The following CDKAL1 variants were observed in gnomAD, a reference collection of about 807,000 sequenced individuals.
CDKAL1 encodes the protein threonylcarbamoyladenosine tRNA methylthiotransferase.
In CDKAL1, 32 loss-of-function variants were observed where a neutral mutation model predicts 68.2. The ratio of observed to expected loss-of-function variants is 0.47; its 90% CI spans 0.35 to 0.63. CDKAL1 has a LOEUF of 0.63. Ranked by LOEUF, CDKAL1 falls within the 30% of genes least tolerant of loss-of-function variation. The probability of loss-of-function intolerance (pLI) is 0.00; values close to 1 mark genes in which losing one functional copy is unlikely to be tolerated. For synonymous variants in CDKAL1, 234 were observed against 244.3 expected (o/e 0.96, Z 0.39); for missense variants, 606 against 696.7 (o/e 0.87, Z 1.47).
intron 9 of CDKAL1, among the ~76,000 whole-genome samples, chr6:20,888,180 G>A (rs1030157723): frequency 9.9e-5 from 15 of 151,838 alleles, no homozygotes; most frequent in Non-Finnish European, 2.1e-4. Context: ...CTGTGTCCAG[G>A]TGTTCTCATT....
rs556668353 is a variant in CDKAL1 at position 20,716,576 on chromosome 6, GT to G, written c.372-22939del. 2.6e-3 allele frequency among the ~76,000 whole-genome samples: 389 copies of G among 151,974 alleles called. 4 individuals are homozygous for G. In the South Asian group the frequency reaches 0.032, roughly 12 times the overall value. On this transcript the variant is annotated intron_variant, in intron 5 of 15. Transcript: ENST00000274695. ...ATCGGGTAACTGCTTGTTTCATTTTGTTTTGGTTTGGTTGGGTCTGGGTTGA... is the reference window on the plus strand; with the variant it reads ...ATCGGGTAACTGCTTGTTTCATTTTGTTTGGTTTGGTTGGGTCTGGGTTGA...
At chr6:20,586,043 A>G (rs1214023873) in intron 4 of CDKAL1, among the ~76,000 whole-genome samples, 2 of 152,206 alleles carry the variant, frequency 1.3e-5, no homozygotes, top group East Asian at 3.9e-4. Context: ...AAGACTTTGG[A>G]GTCAAGGATA....
intron 12 of CDKAL1, among the ~76,000 whole-genome samples, chr6:21,080,920 A>G (rs1772361047): frequency 6.6e-6 from 1 of 152,214 alleles, no homozygotes. Flanking sequence ...TCTAGAAAAA[A>G]TCAGGGATGA....
At chr6:21,132,975 T>C in intron 13 of CDKAL1, among the ~76,000 whole-genome samples, 1 of 152,212 alleles carries the variant, frequency 6.6e-6, no homozygotes, top group East Asian at 1.9e-4. Flanking sequence ...TTTCTATAGT[T>C]ATTTTTATGT....
At chr6:20,579,936 A>G (rs1173808322) in intron 4 of CDKAL1, among the ~76,000 whole-genome samples, 1 of 152,222 alleles carries the variant, frequency 6.6e-6, no homozygotes, top group Non-Finnish European at 1.5e-5. Context: ...GGGATGATTT[A>G]TAATTTGAAA....
chr6:20,792,496 G>A (rs1259095568), intron 8 of CDKAL1, among the ~76,000 whole-genome samples: 6 of 152,140 alleles, frequency 3.9e-5, no homozygotes, highest in Admixed American at 1.3e-4. Context: ...TTTATGTACT[G>A]TTCTGTTACT....
At chr6:21,096,512 A>C (rs1205034233) in intron 12 of CDKAL1, among the ~76,000 whole-genome samples, 2 of 152,260 alleles carry the variant, frequency 1.3e-5, no homozygotes, top group African/African-American at 2.4e-5. Context: ...ATGTAGAAAT[A>C]CATAGAACTC....
chr6:20,574,284 T>G (rs951625309), intron 4 of CDKAL1, among the ~76,000 whole-genome samples: 4 of 152,144 alleles, frequency 2.6e-5, no homozygotes, highest in Admixed American at 2.6e-4. Context: ...TTTAATTTGC[T>G]TCCTTTTATA....
chr6:20,868,293 C>T (rs1412261948), intron 9 of CDKAL1, among the ~76,000 whole-genome samples: 1 of 152,174 alleles, frequency 6.6e-6, no homozygotes, highest in African/African-American at 2.4e-5. Flanking sequence ...TTGATCCAGA[C>T]TCCATTGATA....
At chr6:21,218,000 C>G (rs558410858) in intron 15 of CDKAL1, among the ~76,000 whole-genome samples, 1 of 152,210 alleles carries the variant, frequency 6.6e-6, no homozygotes, top group African/African-American at 2.4e-5. Context: ...GTTAACCTCT[C>G]TGGTTAGAAG....
chr6:20,637,455 C>T (rs1387912032), intron 4 of CDKAL1, among the ~76,000 whole-genome samples: 3 of 151,954 alleles, frequency 2.0e-5, no homozygotes, highest in East Asian at 3.9e-4. Context: ...CCCACCTACT[C>T]GGGAGGCTGA....
intron 5 of CDKAL1, among the ~76,000 whole-genome samples, chr6:20,738,696 G>A (rs887560292): frequency 6.6e-6 from 1 of 151,870 alleles, no homozygotes; most frequent in African/African-American, 2.4e-5. Context: ...ACAAGGTCTC[G>A]CGATGTTGCC....
chr6:20,802,015 G>A (rs1019800402), intron 8 of CDKAL1, among the ~76,000 whole-genome samples: 2 of 151,910 alleles, frequency 1.3e-5, no homozygotes, highest in African/African-American at 2.4e-5. Context: ...TATGAATGAC[G>A]GCCGGGTGCA....
chr6:21,207,738 T>C (rs745548819), intron 15 of CDKAL1, among the ~76,000 whole-genome samples: 1 of 152,198 alleles, frequency 6.6e-6, no homozygotes, highest in African/African-American at 2.4e-5. Flanking sequence ...GGAAATGGCT[T>C]AGCAGTCAAT....
At chr6:20,989,594 C>G (rs529376549) in intron 10 of CDKAL1, among the ~76,000 whole-genome samples, 75 of 152,274 alleles carry the variant, frequency 4.9e-4, no homozygotes, top group Non-Finnish European at 9.7e-4. Flanking sequence ...GACGGTACAG[C>G]CTGAGCTGCC....
chr6:21,164,617 A>G (rs148100775), intron 13 of CDKAL1, among the ~76,000 whole-genome samples: 1 of 152,208 alleles, frequency 6.6e-6, no homozygotes, highest in South Asian at 2.1e-4. Flanking sequence ...CATGATGGTC[A>G]AGTGTAAACT....
At chr6:20,887,884 A>G (rs1761165404) in intron 9 of CDKAL1, among the ~76,000 whole-genome samples, 1 of 150,658 alleles carries the variant, frequency 6.6e-6, no homozygotes, top group Non-Finnish European at 1.5e-5. Context: ...CCTGAGCTCA[A>G]GTGATCCTCC....
intron 12 of CDKAL1, among the ~76,000 whole-genome samples, chr6:21,080,905 C>T (rs1772360603): frequency 6.6e-6 from 1 of 152,090 alleles, no homozygotes; most frequent in Non-Finnish European, 1.5e-5. Flanking sequence ...TAATTATAAG[C>T]CATTTCTAGA....
chr6:20,922,497 G>A (rs12662218), intron 9 of CDKAL1, among the ~76,000 whole-genome samples: 30,914 of 152,104 alleles, frequency 0.2, 3,249 homozygotes, highest in East Asian at 0.28. Flanking sequence ...TAGTAGGATA[G>A]ATACGTGTAT....
Sources: allele counts gnomAD v4.1 joint callset (sites outside exome capture counted in the v4.1 genomes callset), GRCh38; gene constraint gnomAD v4.1.1; transcripts MANE v1.5; gene names NCBI Gene and HGNC (gene_info 2026-07-23, HGNC 2026-07-21).